Variants in GRIP1 observed in about 807,000 individuals in gnomAD.
The protein encoded by GRIP1 is glutamate receptor interacting protein 1.
GRIP1 carries 45 observed loss-of-function variants against 129.9 expected under a neutral mutation model. That is an observed-to-expected ratio of 0.35 (90% confidence interval 0.27 to 0.44). The LOEUF (loss-of-function observed/expected upper bound fraction) is 0.44. Ranked by LOEUF, GRIP1 falls within the 20% of genes least tolerant of loss-of-function variation. The probability of loss-of-function intolerance (pLI) is 1.00; values close to 1 mark genes in which losing one functional copy is unlikely to be tolerated. For synonymous variants in GRIP1, 530 were observed against 520.8 expected, an observed-to-expected ratio of 1.02 and a Z score of -0.24; for missense variants, 1,196 against 1,396.8, an observed-to-expected ratio of 0.86 and a Z score of 2.29.
chr12:66,583,635 C>T (rs2063495153), intron 2 of GRIP1, among the ~76,000 whole-genome samples: 1 of 140,346 alleles, frequency 7.1e-6, no homozygotes, highest in Admixed American at 7.3e-5. Context: ...GACATTTACG[C>T]AGCCAAAAAA....
chr12:66,450,075 C>T (rs777912355), intron 11 of GRIP1, among the ~76,000 whole-genome samples: 17 of 151,324 alleles, frequency 1.1e-4, no homozygotes, highest in South Asian at 4.2e-4. Context: ...CCGAGTCGGG[C>T]GGATCACGAG....
chr12:66,911,401 T>G (rs1421226902), intron 1 of GRIP1, among the ~76,000 whole-genome samples: 1 of 152,202 alleles, frequency 6.6e-6, no homozygotes, highest in Non-Finnish European at 1.5e-5. Flanking sequence ...CCACTAACCC[T>G]TTCCACAAGA....
intron 1 of GRIP1, among the ~76,000 whole-genome samples, chr12:66,997,524 A>G (rs568258948): frequency 6.6e-6 from 1 of 152,332 alleles, no homozygotes; most frequent in East Asian, 1.9e-4. Context: ...CAGACTTTAC[A>G]CAACAGAAAA....
intron 1 of GRIP1, among the ~76,000 whole-genome samples, chr12:66,598,748 G>A (rs1477695361): frequency 2.0e-5 from 3 of 152,194 alleles, no homozygotes; most frequent in Admixed American, 6.5e-5. Context: ...GTGTGTTTAT[G>A]AGCATAGAGC....
At chr12:66,680,567 T>C (rs549199582), upstream of GRIP1, among the ~76,000 whole-genome samples, 13 of 152,304 alleles carry the variant, frequency 8.5e-5, no homozygotes, top group African/African-American at 2.9e-4. Context: ...AATCTTTCTT[T>C]GAATTTCAAC....
chr12:66,493,616 G>GTGGT (rs77869484), intron 7 of GRIP1, among the ~76,000 whole-genome samples: 55,553 of 151,954 alleles, frequency 0.37, 12,014 homozygotes, highest in East Asian at 0.68. Flanking sequence ...CTTTCCTAAA[G>GTGGT]AAAGAGCCAA....
intron 1 of GRIP1, among the ~76,000 whole-genome samples, chr12:66,775,146 A>G (rs2037938705): frequency 6.6e-6 from 1 of 152,196 alleles, no homozygotes; most frequent in African/African-American, 2.4e-5. Flanking sequence ...ATCTGTGCTC[A>G]GCCCCTAATT....
At chr12:66,511,154 G>A (rs567294433) in intron 7 of GRIP1, among the ~76,000 whole-genome samples, 1 of 152,100 alleles carries the variant, frequency 6.6e-6, no homozygotes, top group Non-Finnish European at 1.5e-5. Flanking sequence ...AGTCTCATGA[G>A]ATCTGATGGT....
chr12:66,485,918 A>G (rs943648441), intron 7 of GRIP1, among the ~76,000 whole-genome samples: 7 of 152,088 alleles, frequency 4.6e-5, no homozygotes, highest in Non-Finnish European at 8.8e-5. Flanking sequence ...GTATTTATGA[A>G]TATATACATA....
Position 67,005,135 on chromosome 12 carries a change from G to A in GRIP1, c.58+63915C>T, listed in dbSNP as rs1230665390. On this transcript the variant is annotated intron_variant, in intron 1 of 1. Transcript: ENST00000643019. Reference sequence around the variant, plus strand: ...TGACCAAAGCAGTGATAAACAGGAGGTAGAAAGTAGCCTTCAGACCACATG... The same window carrying A: ...TGACCAAAGCAGTGATAAACAGGAGATAGAAAGTAGCCTTCAGACCACATG... 4.6e-5 allele frequency among the ~76,000 whole-genome samples: 7 copies of A among 152,174 alleles called. 1 individual carries two copies. Among genetic ancestry groups the A allele is most frequent in the African/African-American group, 1.7e-4 (7 of 41,448 alleles).
At chr12:66,634,765 T>G (rs1287777208) in intron 1 of GRIP1, among the ~76,000 whole-genome samples, 1 of 152,158 alleles carries the variant, frequency 6.6e-6, no homozygotes, top group East Asian at 1.9e-4. Context: ...TTCACCCAAT[T>G]TACAGAACTA....
chr12:66,641,850 T>A (rs1434885191), intron 1 of GRIP1, among the ~76,000 whole-genome samples: 1 of 152,318 alleles, frequency 6.6e-6, no homozygotes, highest in African/African-American at 2.4e-5. Flanking sequence ...ACTGAACATA[T>A]GCGAAGTAGA....
At chr12:66,787,823 C>T (rs2038402183) in intron 1 of GRIP1, among the ~76,000 whole-genome samples, 2 of 151,916 alleles carry the variant, frequency 1.3e-5, no homozygotes. Context: ...ACTAAGATAC[C>T]CCCCAAAAGC....
rs116477780 is a variant in GRIP1, at chr12:66,972,754, A to G, written c.58+96296T>C. The stretch of plus-strand genomic sequence containing the variant: ...TTCATATGGTATATTTTGCAGCCCC[A>G]TGTTCTTACTAATGCATTCTAATTC... On this transcript the variant is annotated intron_variant, in intron 1 of 1. Transcript: ENST00000643019. 5.2e-3 allele frequency among the ~76,000 whole-genome samples: 788 copies of G among 152,242 alleles called. 9 individuals carry two copies. The highest frequency in any genetic ancestry group is 0.018 in the African/African-American group (743 of 41,530).
chr12:66,836,021 C>A (rs2039607111), intron 1 of GRIP1, among the ~76,000 whole-genome samples: 1 of 152,034 alleles, frequency 6.6e-6, no homozygotes, highest in Non-Finnish European at 1.5e-5. Context: ...TTACTATGAA[C>A]CTAAAACTGG....
intron 3 of GRIP1, 142 bp from the exon 4 acceptor site, chr12:66,539,365 G>A: frequency 9.7e-7 from 1 of 1,031,392 alleles, no homozygotes; most frequent in Non-Finnish European, 1.5e-6. Context: ...TGCCTCCTAG[G>A]AGACGGTGGG....
At chr12:66,659,696 T>TA (rs2033382472) in intron 1 of GRIP1, among the ~76,000 whole-genome samples, 1 of 152,210 alleles carries the variant, frequency 6.6e-6, no homozygotes, top group Admixed American at 6.5e-5. Context: ...ATTCTGACAG[T>TA]ATGTTTTGTA....
rs1324137624 is a variant in GRIP1, at chr12:66,596,892, T to G, written c.91A>C (p.Lys31Gln). ...SPYTKSASQT[K>Q]PPDGALAVRR... is the part of the protein sequence containing the mutation. ...ACAGCCAACGCTCCATCAGGCGGCT[T>G]TGTCTGGCTGGCGGATTTAGTGTAG... The change falls in exon 2 of 25, where the codon AAG (lysine) becomes CAG (glutamine). Residue 31 changes from lysine to glutamine, a missense_variant. Transcript: ENST00000359742. The G allele has an allele frequency of 6.2e-6, 10 of 1,613,700 alleles. No homozygotes were observed. The highest frequency in any genetic ancestry group is 8.5e-6 in the Non-Finnish European group (10 of 1,179,634).
chr12:66,410,693 AC>A (rs2057371117), intron 15 of GRIP1, among the ~76,000 whole-genome samples: 1 of 152,002 alleles, frequency 6.6e-6, no homozygotes, highest in African/African-American at 2.4e-5. Context: ...AAGCACACCT[AC>A]AAGATCTAAA....
Sources: gnomAD v4.1 joint callset for allele counts (sites outside exome capture counted in the v4.1 genomes callset) on GRCh38, gnomAD v4.1.1 for gene constraint, MANE v1.5 for transcripts, NCBI Gene and HGNC (gene_info 2026-07-23, HGNC 2026-07-21) for gene names.